Variants in PLCE1 observed in about 807,000 individuals in gnomAD.
The protein encoded by PLCE1 is phospholipase C epsilon 1, also known as 1-phosphatidylinositol 4,5-bisphosphate phosphodiesterase epsilon-1.
A neutral mutation model predicts 242.8 loss-of-function variants in PLCE1; 119 were observed. The observed-to-expected ratio is 0.49, with a 90% CI of 0.42 to 0.57. PLCE1 has a LOEUF of 0.57. Among genes scored for constraint, PLCE1 ranks in the 20% least tolerant of loss-of-function variants. The probability of loss-of-function intolerance (pLI) is 0.00; values close to 1 mark genes in which losing one functional copy is unlikely to be tolerated. For synonymous variants in PLCE1, 945 were observed against 1,017.4 expected (o/e 0.93, Z 1.35); for missense variants, 2,441 against 2,788.8 (o/e 0.88, Z 2.81).
intron 26 of PLCE1, among the ~76,000 whole-genome samples, chr10:94,307,872 T>C (rs1168675559): frequency 6.6e-6 from 1 of 151,876 alleles, no homozygotes; most frequent in Non-Finnish European, 1.5e-5. Flanking sequence ...ATAACTGTTA[T>C]TATAGAAATG....
rs762245091 is a variant in PLCE1 at position 94,246,485 on chromosome 10, A to G, written c.2960A>G (p.His987Arg). Residue 987 changes from histidine (H) to arginine (R), a missense_variant, in exon 8 of 33, where the codon CAC (histidine) becomes CGC (arginine). This residue lies in a region of PLCE1 where 1,004 missense variants were observed against 1,322.7 expected (regional missense o/e 0.76). Transcript: ENST00000371380. ...GLQTTDNRLL[H>R]FVAPKHTAKM... ...CAGACCACAGACAACAGATTATTGC[A>G]CTTCGTGGCACCAAAGCACACAGCT... 1.1e-5 allele frequency: 18 copies of G among 1,614,076 alleles called. No homozygotes were observed.
At chr10:94,087,466 G>T (rs2044875286) in intron 2 of PLCE1, among the ~76,000 whole-genome samples, 1 of 151,612 alleles carries the variant, frequency 6.6e-6, no homozygotes, top group Admixed American at 6.6e-5. Flanking sequence ...GTAGAGAGAG[G>T]GTCTTGCTCT....
chr10:94,179,653 AC>A (rs1157255757), intron 4 of PLCE1, among the ~76,000 whole-genome samples: 4 of 150,770 alleles, frequency 2.7e-5, no homozygotes, highest in Non-Finnish European at 5.9e-5. Context: ...CTACAGGTGC[AC>A]ACCACCTCGC....
chr10:94,217,673 C>A (rs947552711), intron 4 of PLCE1, among the ~76,000 whole-genome samples: 2 of 152,174 alleles, frequency 1.3e-5, no homozygotes, highest in African/African-American at 4.8e-5. Flanking sequence ...TTGCAAATCT[C>A]AGTGAAAATA....
chr10:94,031,972 A>T lies in PLCE1; in HGVS notation c.926A>T (p.Asp309Val), dbSNP rs761269172. The T allele has an allele frequency of 2.5e-6, 4 of 1,613,840 alleles. No homozygotes were observed. The highest frequency in any genetic ancestry group is 3.4e-6 in the Non-Finnish European group (4 of 1,179,788). ...GAGGACTTCCCTGATAATTGTGATG[A>T]TGTAGAAGAAGACGCTTTTAAAAGC... ...HFEDFPDNCD[D>V]VEEDAFKSKK... The change falls in exon 2 of 33, where the codon GAT becomes GTT. Residue 309 changes from aspartate (D) to valine (V), a missense_variant. Around this residue, in one of 5 missense-constraint regions of PLCE1, gnomAD observed 393 missense variants for 378.5 expected, o/e 1.04. Transcript: ENST00000371380.
rs1294764092 is a variant in PLCE1 at position 94,227,324 on chromosome 10, T to C, written c.1828T>C (p.Trp610Arg). The C allele has an allele frequency of 6.2e-7, 1 of 1,614,168 alleles. No homozygotes were observed. The highest frequency in any genetic ancestry group is 8.5e-7 in the Non-Finnish European group (1 of 1,179,994). The part of the protein sequence containing the change: ...RFNEVSSWVT[W>R]LILTAGSMEE... ...TTTCCAGGTGAGCTCCTGGGTGACATGGCTGATCCTCACGGCAGGCTCCAT... is the reference window on the plus strand; with the variant it reads ...TTTCCAGGTGAGCTCCTGGGTGACACGGCTGATCCTCACGGCAGGCTCCAT... The change falls in exon 5 of 33, where the codon TGG becomes CGG. Residue 610 changes from tryptophan (W) to arginine (R), a missense_variant. By Grantham distance (101) the Trp-to-Arg change is moderately radical. Transcript: ENST00000371380.
intron 2 of PLCE1, among the ~76,000 whole-genome samples, chr10:94,037,217 T>C (rs186982785): frequency 1.2e-3 from 190 of 152,330 alleles, no homozygotes; most frequent in African/African-American, 4.3e-3. Flanking sequence ...CCTTTGTTGG[T>C]ATACATGTCC....
At chr10:94,171,092 T>G (rs565756275) in intron 3 of PLCE1, 88 bp from the exon 4 acceptor site, 1 of 1,116,946 alleles carries the variant, frequency 9.0e-7, no homozygotes, top group Non-Finnish European at 1.4e-6. Flanking sequence ...TTAAAGAACA[T>G]ACAAGATTTG....
intron 2 of PLCE1, among the ~76,000 whole-genome samples, chr10:94,119,217 A>G (rs2046231727): frequency 6.6e-6 from 1 of 152,138 alleles, no homozygotes; most frequent in Non-Finnish European, 1.5e-5. Flanking sequence ...AGCTATAGGA[A>G]ATCTTAGAAG....
intron 1 of PLCE1, among the ~76,000 whole-genome samples, chr10:94,004,932 T>C (rs1033508579): frequency 6.6e-6 from 1 of 152,206 alleles, no homozygotes; most frequent in African/African-American, 2.4e-5. Flanking sequence ...AGTTATTTAT[T>C]TATGGAAGGA....
chr10:94,009,702 G>A (rs527886528), intron 1 of PLCE1, among the ~76,000 whole-genome samples: 1 of 152,312 alleles, frequency 6.6e-6, no homozygotes, highest in Admixed American at 6.5e-5. Context: ...CCAAAGAAAG[G>A]GGCAAGAAGC....
chr10:94,222,249 C>T (rs2049777648), intron 4 of PLCE1, among the ~76,000 whole-genome samples: 1 of 152,148 alleles, frequency 6.6e-6, no homozygotes. Flanking sequence ...CAAGGTCCTA[C>T]ATTAAGTCAA....
At chr10:94,164,360 C>CT (rs2047721024) in intron 3 of PLCE1, among the ~76,000 whole-genome samples, 1 of 152,066 alleles carries the variant, frequency 6.6e-6, no homozygotes, top group African/African-American at 2.4e-5. Flanking sequence ...TCTTTTTATT[C>CT]TTTTTTCTCT....
chr10:94,323,128 G>A (rs762560793), intron 30 of PLCE1, among the ~76,000 whole-genome samples: 5 of 152,120 alleles, frequency 3.3e-5, no homozygotes, highest in Admixed American at 6.6e-5. Context: ...TAAGCCAGTA[G>A]GTACTGACCA....
rs145284313 is a variant in PLCE1 at position 94,056,794 on chromosome 10, C to T, written c.1206+24542C>T. 4.6e-3 allele frequency among the ~76,000 whole-genome samples: 693 copies of T among 152,216 alleles called. 6 individuals are homozygous for T. Among genetic ancestry groups the T allele is most frequent in the African/African-American group, 0.015 (626 of 41,516 alleles). ...GAAACTCCATACCCATTAGCAGTCACCCCCATCCTCTCCTTTCCACCCACC... is the reference window on the plus strand; with the variant it reads ...GAAACTCCATACCCATTAGCAGTCATCCCCATCCTCTCCTTTCCACCCACC... On this transcript the variant is annotated intron_variant, in intron 2 of 32. Transcript: ENST00000371380.
intron 3 of PLCE1, among the ~76,000 whole-genome samples, chr10:94,136,856 C>A (rs1334541891): frequency 1.3e-5 from 2 of 152,164 alleles, no homozygotes; most frequent in African/African-American, 4.8e-5. Context: ...AAAAATAGAG[C>A]GCCTTTACCT....
chr10:94,117,636 G>T (rs2046174736), intron 2 of PLCE1, among the ~76,000 whole-genome samples: 1 of 152,152 alleles, frequency 6.6e-6, no homozygotes, highest in South Asian at 2.1e-4. Context: ...ATCATGGTGG[G>T]TATAAAAGAG....
intron 8 of PLCE1, among the ~76,000 whole-genome samples, 156 bp from the exon 9 acceptor site, chr10:94,252,160 G>A (rs1451667229): frequency 6.6e-6 from 1 of 152,206 alleles, no homozygotes; most frequent in Admixed American, 6.5e-5. Context: ...AGAGAATCTT[G>A]TGAGTTAGAA....
chr10:94,072,714 ATACT>A (rs1221574877), intron 2 of PLCE1, among the ~76,000 whole-genome samples: 2 of 152,244 alleles, frequency 1.3e-5, no homozygotes, highest in Admixed American at 6.5e-5. Context: ...ATCAATAGTG[ATACT>A]TACTTATTTT....
Sources: allele counts gnomAD v4.1 joint callset (sites outside exome capture counted in the v4.1 genomes callset), GRCh38; gene constraint gnomAD v4.1.1; regional missense constraint gnomAD v4.1.1; transcripts MANE v1.5; gene names NCBI Gene and HGNC (gene_info 2026-07-23, HGNC 2026-07-21).